SYT16: variants seen among roughly 807,000 people sequenced by gnomAD.
The protein encoded by SYT16 is synaptotagmin 16, also known as synaptotagmin-16.
A neutral mutation model predicts 61.4 loss-of-function variants in SYT16; 42 were observed. The observed-to-expected ratio is 0.68, with a 90% CI of 0.53 to 0.89. The LOEUF is 0.89. Among genes scored for constraint, SYT16 ranks in the 40% least tolerant of loss-of-function variants. SYT16 has a pLI of 0.00. For synonymous variants in SYT16, 314 were observed against 302.3 expected (o/e 1.04, Z -0.40); for missense variants, 804 against 807.3 (o/e 1.00, Z 0.05).
intron 1 of SYT16, among the ~76,000 whole-genome samples, chr14:61,837,233 A>ATTT (rs1237212390): frequency 0.015 from 1,856 of 122,762 alleles, 20 homozygotes; most frequent in African/African-American, 0.025. Context: ...GCAGAGGCTG[A>ATTT]TTTTTTTTTT....
At chr14:61,851,960 A>G (rs1413673258) in intron 1 of SYT16, among the ~76,000 whole-genome samples, 3 of 152,132 alleles carry the variant, frequency 2.0e-5, no homozygotes, top group East Asian at 3.8e-4. Flanking sequence ...TGGCATTTTC[A>G]TCATGAAATC....
intron 1 of SYT16, among the ~76,000 whole-genome samples, chr14:61,828,706 T>C (rs775598312): frequency 6.6e-6 from 1 of 152,212 alleles, no homozygotes; most frequent in African/African-American, 2.4e-5. Context: ...TAAAGGAGAA[T>C]TGGATCCTAT....
intron 3 of SYT16, among the ~76,000 whole-genome samples, chr14:62,057,969 C>A (rs1451464061): frequency 6.6e-6 from 1 of 152,110 alleles, no homozygotes; most frequent in Non-Finnish European, 1.5e-5. Context: ...AACCATGGAT[C>A]TATTTTCTGT....
At chr14:62,015,962 C>T (rs116892355) in intron 3 of SYT16, among the ~76,000 whole-genome samples, 1 of 152,330 alleles carries the variant, frequency 6.6e-6, no homozygotes, top group Non-Finnish European at 1.5e-5. Context: ...TAAGGCAAGA[C>T]ATATGAGTCC....
At position 62,110,208 on chromosome 14, in the gene SYT16, A is replaced by G. The variant is rs763142078; in HGVS notation, c.*9501A>G. ...TGATGAGGCCTGTGTTCTGATATCAAATCTTCCACTAATGAGCTCTAAAAT... is the reference window on the plus strand; with the variant it reads ...TGATGAGGCCTGTGTTCTGATATCAGATCTTCCACTAATGAGCTCTAAAAT... On this transcript the variant is annotated 3_prime_UTR_variant, in exon 8 of 8. Transcript: ENST00000683842. 3 of 152,308 alleles carry G rather than the reference A, an allele frequency of 2.0e-5. No homozygotes were observed. Among genetic ancestry groups the G allele is most frequent in the Admixed American group, 6.5e-5 (1 of 15,294 alleles). The allele number at this position is 152,308 out of a possible 1,614,324, so 9.4% of individuals were successfully genotyped here.
chr14:61,835,419 C>A (rs2046096788), intron 1 of SYT16, among the ~76,000 whole-genome samples: 1 of 151,858 alleles, frequency 6.6e-6, no homozygotes, highest in Admixed American at 6.6e-5. Flanking sequence ...CCACCATGCC[C>A]AGCTAATTTT....
chr14:61,822,117 G>A (rs889625661), intron 1 of SYT16, among the ~76,000 whole-genome samples: 27 of 152,154 alleles, frequency 1.8e-4, no homozygotes, highest in African/African-American at 6.3e-4. Context: ...GTCCAATTCC[G>A]AAAGCCTCAA....
chr14:61,892,573 C>T (rs1279948265), intron 1 of SYT16, among the ~76,000 whole-genome samples: 1 of 152,178 alleles, frequency 6.6e-6, no homozygotes, highest in Non-Finnish European at 1.5e-5. Context: ...CTTGTATCCC[C>T]AGCTTGGCCT....
intron 3 of SYT16, among the ~76,000 whole-genome samples, chr14:62,019,344 C>G (rs1030136523): frequency 3.3e-5 from 5 of 151,986 alleles, no homozygotes; most frequent in Admixed American, 3.3e-4. Context: ...TGAGTCAGTC[C>G]CATTTTTTAA....
rs72179383 is a variant in SYT16, at chr14:62,015,284, C to CA, written c.523+18753dup. 5.1e-3 allele frequency among the ~76,000 whole-genome samples: 765 copies of CA among 148,842 alleles called. 3 individuals are homozygous for CA. Among genetic ancestry groups the CA allele is most frequent in the African/African-American group, 0.017 (693 of 40,684 alleles). ...TTTAGCATGGCATCAGTTTCATTAA[C>CA]AAAAAAAAAAATGAATGGCTAAATG... On this transcript the variant is annotated intron_variant, in intron 3 of 7. Coordinates refer to ENST00000683842, the MANE Select transcript of SYT16 (RefSeq NM_001367656.1).
intron 2 of SYT16, among the ~76,000 whole-genome samples, chr14:61,973,891 T>C (rs974108554): frequency 6.6e-6 from 1 of 152,138 alleles, no homozygotes; most frequent in African/African-American, 2.4e-5. Flanking sequence ...AAGTGTTTCC[T>C]GGACCAGACC....
At chr14:62,049,266 A>G (rs528043581) in intron 3 of SYT16, among the ~76,000 whole-genome samples, 2 of 152,236 alleles carry the variant, frequency 1.3e-5, no homozygotes, top group Admixed American at 1.3e-4. Flanking sequence ...TTGTTGGTTT[A>G]AAGTCTGTTT....
At chr14:61,918,157 A>C (rs772386971) in intron 1 of SYT16, among the ~76,000 whole-genome samples, 12 of 152,156 alleles carry the variant, frequency 7.9e-5, no homozygotes, top group Non-Finnish European at 1.5e-4. Context: ...GCAGGAAGGC[A>C]TTTTCAAATT....
intron 3 of SYT16, among the ~76,000 whole-genome samples, chr14:61,998,718 A>G (rs926974893): frequency 6.6e-6 from 1 of 151,918 alleles, no homozygotes. Context: ...GACTGGTGAG[A>G]GTGAATATCC....
chr14:61,905,480 A>T (rs1382635701), intron 1 of SYT16, among the ~76,000 whole-genome samples: 1 of 152,172 alleles, frequency 6.6e-6, no homozygotes, highest in African/African-American at 2.4e-5. Flanking sequence ...TATTTCCCAG[A>T]TCTTCTTGCA....
chr14:61,963,187 G>C (rs2353244), intron 1 of SYT16, among the ~76,000 whole-genome samples: 1 of 151,974 alleles, frequency 6.6e-6, no homozygotes, highest in African/African-American at 2.4e-5. Flanking sequence ...AATGGCCTCT[G>C]AGTATTTAAG....
intron 3 of SYT16, among the ~76,000 whole-genome samples, chr14:62,048,875 T>C (rs1235888815): frequency 6.6e-6 from 1 of 152,234 alleles, no homozygotes; most frequent in Non-Finnish European, 1.5e-5. Context: ...TTACATTTGC[T>C]GAGGAGTACT....
At chr14:61,932,139 A>G (rs2049797389) in intron 1 of SYT16, among the ~76,000 whole-genome samples, 1 of 152,172 alleles carries the variant, frequency 6.6e-6, no homozygotes, top group South Asian at 2.1e-4. Context: ...CAGCACACCC[A>G]GCTCCTTCAT....
At chr14:61,933,815 C>A (rs1594946705) in intron 1 of SYT16, among the ~76,000 whole-genome samples, 1 of 152,252 alleles carries the variant, frequency 6.6e-6, no homozygotes, top group South Asian at 2.1e-4. Context: ...AAGAAAAAAA[C>A]AGTCTATACT....
Sources: gnomAD v4.1 joint callset for allele counts (sites outside exome capture counted in the v4.1 genomes callset) on GRCh38, gnomAD v4.1.1 for gene constraint, MANE v1.5 for transcripts, NCBI Gene and HGNC (gene_info 2026-07-23, HGNC 2026-07-21) for gene names.